Variants in RPE65 observed in about 807,000 individuals in gnomAD.
RPE65 encodes retinoid isomerohydrolase RPE65.
RPE65 carries 58 observed loss-of-function variants against 68.5 expected under a neutral mutation model. The observed-to-expected ratio is 0.85, with a 90% CI of 0.69 to 1.05. The LOEUF is 1.05. RPE65 is among the 50% of genes least tolerant of loss of function. RPE65 has a pLI of 0.00. For synonymous variants in RPE65, 220 were observed against 222.2 expected (o/e 0.99, Z 0.09); for missense variants, 643 against 629.9 (o/e 1.02, Z -0.22).
chr1:68,444,927 T>G, intron 3 of RPE65, 44 bp from the exon 4 acceptor site: 1 of 1,546,398 alleles, frequency 6.5e-7, no homozygotes, highest in Non-Finnish European at 8.9e-7. Flanking sequence ...ACAGGAGCAA[T>G]CCGTACAGCC....
In RPE65 at chr1:68,429,691, G is replaced by T; in HGVS notation, c.*85C>A. On this transcript the variant is annotated 3_prime_UTR_variant, in exon 14 of 14. Coordinates refer to ENST00000262340, the MANE Select transcript of RPE65 (RefSeq NM_000329.3). ...CAAGTTAAAACCATGACATATAGCA[G>T]GCTAAAATTGAACAGAATTTGATTG... 1 of 1,559,968 alleles carries T rather than the reference G, an allele frequency of 6.4e-7. No homozygotes were observed. The highest frequency in any genetic ancestry group is 8.8e-7 in the Non-Finnish European group (1 of 1,137,158).
chr1:68,430,022 A>G (rs966006219), intron 13 of RPE65, 95 bp from the exon 14 acceptor site: 3 of 1,494,398 alleles, frequency 2.0e-6, no homozygotes, highest in African/African-American at 2.8e-5. Context: ...TATTACATTG[A>G]CAAATATAGA....
chr1:68,444,648 T>C lies in RPE65; in HGVS notation c.378A>G (p.Val126=). The part of the protein sequence containing the change: ...FSRFFSYFRG[V]EVTDNALVNV... ...TAACAAGGGCATTGTCAGTAACCTCTACTCCTCGAAAGTAAGAAAAAAACC... is the reference window on the plus strand; with the variant it reads ...TAACAAGGGCATTGTCAGTAACCTCCACTCCTCGAAAGTAAGAAAAAAACC... The change falls in exon 5 of 14, where the codon GTA becomes GTG. Residue 126 remains valine, a synonymous_variant. Transcript: ENST00000262340. 5.0e-6 allele frequency: 8 copies of C among 1,614,192 alleles called. No individual in the cohort carries two copies. Among genetic ancestry groups the C allele is most frequent in the Non-Finnish European group, 5.9e-6 (7 of 1,180,032 alleles).
intron 3 of RPE65, among the ~76,000 whole-genome samples, chr1:68,445,343 T>C (rs1046112407): frequency 5.9e-5 from 9 of 152,154 alleles, no homozygotes; most frequent in African/African-American, 2.2e-4. Context: ...GTTACTTTTA[T>C]GTTTTTCTTC....
At chr1:68,438,457 G>A (rs551119233) in intron 9 of RPE65, 141 bp from the exon 10 acceptor site, 128 of 968,466 alleles carry the variant, frequency 1.3e-4, no homozygotes, top group Non-Finnish European at 1.9e-4. Context: ...GTGTATCAGA[G>A]CCATTTCCTC....
intron 10 of RPE65, 22 bp downstream of exon 10, chr1:68,438,165 A>G (rs770044163): frequency 6.2e-7 from 1 of 1,613,442 alleles, no homozygotes; most frequent in Non-Finnish European, 8.5e-7. Flanking sequence ...TTAAATCTGA[A>G]ATCTACAGAG....
intron 10 of RPE65, among the ~76,000 whole-genome samples, chr1:68,432,339 A>T (rs183975567): frequency 6.6e-6 from 1 of 152,126 alleles, no homozygotes; most frequent in Non-Finnish European, 1.5e-5. Flanking sequence ...ATATACCACA[A>T]ATGTGGGGGA....
At chr1:68,437,137 T>A (rs1056419643) in intron 10 of RPE65, among the ~76,000 whole-genome samples, 4 of 152,172 alleles carry the variant, frequency 2.6e-5, no homozygotes, top group Non-Finnish European at 5.9e-5. Context: ...AAAATACACA[T>A]TTAAAATACT....
At chr1:68,431,978 G>A (rs1645830390) in intron 10 of RPE65, among the ~76,000 whole-genome samples, 1 of 151,194 alleles carries the variant, frequency 6.6e-6, no homozygotes, top group Non-Finnish European at 1.5e-5. Flanking sequence ...GACTGCCTGA[G>A]GGATGAAAGA....
At chr1:68,435,292 T>C (rs1448913578) in intron 10 of RPE65, among the ~76,000 whole-genome samples, 1 of 152,196 alleles carries the variant, frequency 6.6e-6, no homozygotes, top group Non-Finnish European at 1.5e-5. Context: ...TCTCTCTGTA[T>C]TCTCTGGCTC....
chr1:68,437,413 G>C (rs568416993), intron 10 of RPE65, among the ~76,000 whole-genome samples: 3 of 152,096 alleles, frequency 2.0e-5, no homozygotes, highest in Non-Finnish European at 4.4e-5. Flanking sequence ...TTACAAACTT[G>C]CTTAAGAGCA....
At position 68,439,706 on chromosome 1, in the gene RPE65, T is replaced by G. The variant is rs925695023; in HGVS notation, c.644-64A>C. On this transcript the variant is annotated intron_variant, in intron 6 of 13. Transcript: ENST00000262340. ...CTTATTTTTTTTTTAATACAAAGCA[T>G]TTAGAACAGCTTATACAGGCAAAGA... The G allele has an allele frequency of 2.7e-5, 34 of 1,252,514 alleles. No homozygotes were observed. The African/African-American group carries it at 4.9e-4, about 18-fold the overall frequency. 77.6% of individuals were successfully genotyped at this position (1,252,514 alleles called of 1,614,324 possible).
intron 13 of RPE65, among the ~76,000 whole-genome samples, chr1:68,430,509 A>C (rs2100806076): frequency 6.6e-6 from 1 of 152,322 alleles, no homozygotes; most frequent in East Asian, 1.9e-4. Flanking sequence ...TCCATATTTT[A>C]ATCCCATAGA....
intron 3 of RPE65, 137 bp downstream of exon 3, chr1:68,446,573 A>C: frequency 3.1e-6 from 3 of 965,040 alleles, no homozygotes; most frequent in Non-Finnish European, 4.9e-6. Context: ...ATGCAGACAC[A>C]CTGGCCCAGG....
intron 10 of RPE65, 23 bp from the exon 11 acceptor site, chr1:68,431,608 C>T (rs1398563735): frequency 2.5e-6 from 4 of 1,586,324 alleles, no homozygotes; most frequent in Admixed American, 3.3e-5. Context: ...ATAACAGAAA[C>T]CTCAGTGAGC....
intron 6 of RPE65, 151 bp from the exon 7 acceptor site, chr1:68,439,793 T>A (rs1645887500): frequency 1.5e-6 from 1 of 687,478 alleles, no homozygotes; most frequent in Non-Finnish European, 2.5e-6. Context: ...CACTTCTTAG[T>A]GAAATTTCAT....
At chr1:68,434,733 G>T (rs889631624) in intron 10 of RPE65, among the ~76,000 whole-genome samples, 10 of 151,694 alleles carry the variant, frequency 6.6e-5, no homozygotes, top group African/African-American at 2.4e-4. Context: ...TTGTTTGTTT[G>T]TTTGTTTGTT....
Position 68,444,450 on chromosome 1 carries a change from C to T in RPE65, c.495+81G>A, listed in dbSNP as rs570717392. Reference sequence around the variant, plus strand: ...CCTCATCAAGTTAGAATCATACATTCGCAGCATGAATAATTTATGTTGAAT... The same window carrying T: ...CCTCATCAAGTTAGAATCATACATTTGCAGCATGAATAATTTATGTTGAAT... On this transcript the variant is annotated intron_variant, in intron 5 of 13. Transcript: ENST00000262340. 4.8e-5 allele frequency: 74 copies of T among 1,545,236 alleles called. 2 individuals are homozygous for T. The highest frequency in any genetic ancestry group is 3.5e-4 in the South Asian group (31 of 89,066).
chr1:68,429,646 T>G lies in RPE65; in HGVS notation c.*130A>C, dbSNP rs1438780113. On this transcript the variant is annotated 3_prime_UTR_variant, in exon 14 of 14. Transcript: ENST00000262340. ...CAACTCAGTGCTTTCTGTAAAACATTGCAAAATTGTGCGCATCTGCAAGTT... is the reference window on the plus strand; with the variant it reads ...CAACTCAGTGCTTTCTGTAAAACATGGCAAAATTGTGCGCATCTGCAAGTT... 1 of 1,085,624 alleles carries G rather than the reference T, an allele frequency of 9.2e-7. No homozygotes were observed. The highest frequency in any genetic ancestry group is 1.4e-6 in the Non-Finnish European group (1 of 732,606). The allele number at this position is 1,085,624 out of a possible 1,614,324, so 67.2% of individuals were successfully genotyped here.
Sources: allele counts gnomAD v4.1 joint callset (sites outside exome capture counted in the v4.1 genomes callset), GRCh38; gene constraint gnomAD v4.1.1; transcripts MANE v1.5; gene names NCBI Gene and HGNC (gene_info 2026-07-23, HGNC 2026-07-21).